USH2A: variants seen among roughly 807,000 people sequenced by gnomAD.
USH2A encodes usherin.
A neutral mutation model predicts 538.9 loss-of-function variants in USH2A; 443 were observed. That is an observed-to-expected ratio of 0.82 (90% CI 0.76 to 0.89). The LOEUF (loss-of-function observed/expected upper bound fraction) is 0.89. USH2A is among the 40% of genes least tolerant of loss of function. USH2A has a pLI of 0.00. For missense variants in USH2A, 6,633 were observed against 6,324.8 expected (o/e 1.05, Z -1.65); for synonymous variants, 2,413 against 2,273.5 (o/e 1.06, Z -1.75).
chr1:215,635,696 C>G (rs1453784929), intron 69 of USH2A, among the ~76,000 whole-genome samples: 1 of 151,936 alleles, frequency 6.6e-6, no homozygotes, highest in Admixed American at 6.6e-5. Flanking sequence ...GCTGGGATTA[C>G]AGGTGTGCGC....
chr1:216,263,925 C>T (rs1002504689), intron 11 of USH2A, among the ~76,000 whole-genome samples: 5 of 152,028 alleles, frequency 3.3e-5, no homozygotes, highest in Non-Finnish European at 7.4e-5. Flanking sequence ...AATAAAGTTG[C>T]AGGATATCAA....
intron 61 of USH2A, among the ~76,000 whole-genome samples, chr1:215,724,535 G>A (rs1019850997): frequency 2.6e-5 from 4 of 151,982 alleles, no homozygotes; most frequent in African/African-American, 4.8e-5. Flanking sequence ...TTTGTGCGAC[G>A]GTTACACTAA....
At chr1:216,095,181 T>G (rs895661602) in intron 22 of USH2A, among the ~76,000 whole-genome samples, 3 of 151,526 alleles carry the variant, frequency 2.0e-5, no homozygotes, top group African/African-American at 7.3e-5. Flanking sequence ...CATTTTATGT[T>G]ATCCCTCTTT....
intron 35 of USH2A, among the ~76,000 whole-genome samples, chr1:215,989,677 C>A (rs972265486): frequency 2.0e-5 from 3 of 151,854 alleles, no homozygotes; most frequent in Non-Finnish European, 4.4e-5. Flanking sequence ...CAGGGGTGAG[C>A]AAGGTTTAAG....
chr1:215,825,836 C>A (rs932444089), intron 47 of USH2A, among the ~76,000 whole-genome samples: 1 of 152,056 alleles, frequency 6.6e-6, no homozygotes, highest in Non-Finnish European at 1.5e-5. Context: ...TTTAATTATC[C>A]TACTGAGATG....
intron 14 of USH2A, among the ~76,000 whole-genome samples, chr1:216,223,011 G>A (rs1377503124): frequency 6.8e-6 from 1 of 148,004 alleles, no homozygotes; most frequent in African/African-American, 2.5e-5. Context: ...ATTGTAGGTT[G>A]CCTCTAAAAG....
chr1:216,216,267 C>T (rs937560641), intron 15 of USH2A, among the ~76,000 whole-genome samples: 1 of 152,062 alleles, frequency 6.6e-6, no homozygotes, highest in Non-Finnish European at 1.5e-5. Flanking sequence ...TACAGTTTTA[C>T]TTATACTGAA....
chr1:216,422,947 T>C (rs1416316043), intron 1 of USH2A, among the ~76,000 whole-genome samples: 1 of 152,112 alleles, frequency 6.6e-6, no homozygotes, highest in Non-Finnish European at 1.5e-5. Context: ...TCTTTACACA[T>C]GCACTGTACA....
At chr1:215,936,106 A>G (rs1372043789) in intron 37 of USH2A, among the ~76,000 whole-genome samples, 2 of 152,054 alleles carry the variant, frequency 1.3e-5, no homozygotes, top group Non-Finnish European at 2.9e-5. Context: ...ACTTTTTATT[A>G]TATGTACATT....
chr1:216,096,652 G>A (rs2032448006), intron 22 of USH2A, among the ~76,000 whole-genome samples: 2 of 152,010 alleles, frequency 1.3e-5, no homozygotes, highest in Non-Finnish European at 2.9e-5. Context: ...TTGAAACTAT[G>A]GTAGTCTGCA....
chr1:215,656,763 AT>A (rs1489881556), intron 64 of USH2A, among the ~76,000 whole-genome samples: 1 of 152,246 alleles, frequency 6.6e-6, no homozygotes, highest in Non-Finnish European at 1.5e-5. Flanking sequence ...ACAATATTTG[AT>A]TAAAAAAAGC....
chr1:216,291,443 C>T (rs552454808), intron 10 of USH2A, among the ~76,000 whole-genome samples: 51 of 152,080 alleles, frequency 3.4e-4, no homozygotes, highest in Non-Finnish European at 6.9e-4. Flanking sequence ...TGTACAATAA[C>T]CCAAAGACAG....
At chr1:215,734,341 A>C (rs982856376) in intron 60 of USH2A, among the ~76,000 whole-genome samples, 2 of 152,212 alleles carry the variant, frequency 1.3e-5, no homozygotes, top group Non-Finnish European at 2.9e-5. Context: ...CCTGGCCCTC[A>C]AAACCATTCT....
intron 32 of USH2A, among the ~76,000 whole-genome samples, chr1:216,010,572 A>T (rs554729534): frequency 6.6e-6 from 1 of 151,394 alleles, no homozygotes; most frequent in Non-Finnish European, 1.5e-5. Context: ...TTCTTAATCA[A>T]TACGGAGGCT....
rs529860718 is a variant in USH2A at position 215,842,171 on chromosome 1, C to A, written c.9258+2123G>T. 1.3e-5 allele frequency among the ~76,000 whole-genome samples: 2 copies of A among 152,064 alleles called. 1 individual carries two copies. Among genetic ancestry groups the A allele is most frequent in the African/African-American group, 4.8e-5 (2 of 41,500 alleles). ...AAACCCTGTCTCTACTGAAAATATA[C>A]ACAAAAGAATAACCTGGTGTGGTGG... On this transcript the variant is annotated intron_variant, in intron 46 of 71. Transcript: ENST00000307340.
chr1:216,278,233 A>T (rs1192800575), intron 11 of USH2A, among the ~76,000 whole-genome samples: 1 of 152,120 alleles, frequency 6.6e-6, no homozygotes, highest in South Asian at 2.1e-4. Context: ...CTTGTTCCCA[A>T]AAAGATGTCA....
At chr1:215,935,821 ATGAT>A (rs1666478019) in intron 37 of USH2A, among the ~76,000 whole-genome samples, 1 of 151,982 alleles carries the variant, frequency 6.6e-6, no homozygotes, top group Non-Finnish European at 1.5e-5. Context: ...AGAAAAATGA[ATGAT>A]TAAGAGTACC....
chr1:216,128,770 T>A lies in USH2A; in HGVS notation c.4628-31557A>T, dbSNP rs560920052. ...TGGGAACACTCCAATTCCACTCTTC[T>A]AGTTATTTTCAAATATACAATAAAT... On this transcript the variant is annotated intron_variant, in intron 21 of 71. Transcript: ENST00000307340. Among the ~76,000 whole-genome samples the A allele has an allele frequency of 2.6e-5, 4 of 152,184 alleles. No homozygotes were observed. In the South Asian group the frequency reaches 8.3e-4, roughly 32 times the overall value.
chr1:216,022,102 AG>A (rs1403164473), intron 32 of USH2A, among the ~76,000 whole-genome samples: 1 of 151,986 alleles, frequency 6.6e-6, no homozygotes, highest in African/African-American at 2.4e-5. Flanking sequence ...CATGAGTAAA[AG>A]CTCCCTGAGG....
Sources: gnomAD v4.1 joint callset for allele counts (sites outside exome capture counted in the v4.1 genomes callset) on GRCh38, gnomAD v4.1.1 for gene constraint, MANE v1.5 for transcripts, NCBI Gene and HGNC (gene_info 2026-07-23, HGNC 2026-07-21) for gene names.